The following DNAJC13 variants were observed in gnomAD, a reference collection of about 807,000 sequenced individuals.
The protein encoded by DNAJC13 is DnaJ heat shock protein family (Hsp40) member C13, also known as dnaJ homolog subfamily C member 13.
A neutral mutation model predicts 290.5 loss-of-function variants in DNAJC13; 75 were observed. The ratio of observed to expected loss-of-function variants is 0.26; its 90% CI spans 0.21 to 0.31. The LOEUF (loss-of-function observed/expected upper bound fraction) is 0.31. DNAJC13 is among the 10% of genes least tolerant of loss of function. The pLI, the probability that DNAJC13 is intolerant of heterozygous loss-of-function variation, is 1.00. For synonymous variants in DNAJC13, 862 were observed against 892.0 expected (o/e 0.97, Z 0.60); for missense variants, 2,260 against 2,674.5 (o/e 0.85, Z 3.42).
intron 33 of DNAJC13, among the ~76,000 whole-genome samples, chr3:132,493,479 C>A (rs1376504455): frequency 6.6e-6 from 1 of 151,880 alleles, no homozygotes; most frequent in Non-Finnish European, 1.5e-5. Context: ...AGCTCTACCA[C>A]TAAACTGGGA....
intron 55 of DNAJC13, among the ~76,000 whole-genome samples, chr3:132,533,686 C>A (rs868698583): frequency 5.9e-5 from 9 of 152,150 alleles, no homozygotes; most frequent in Middle Eastern, 3.4e-3. Flanking sequence ...AGTAAATTGG[C>A]CCTGAAGAAT....
rs568942143 is a variant in DNAJC13, at chr3:132,531,236, A to G, written c.6625+139A>G. 1.9e-5 allele frequency: 13 copies of G among 672,386 alleles called. No individual in the cohort carries two copies. In the Middle Eastern group the frequency reaches 7.4e-4, roughly 38 times the overall value. 41.7% of individuals were successfully genotyped at this position (672,386 alleles called of 1,614,324 possible). A position where few individuals can be genotyped will look rare whatever the true frequency, so the allele number is the denominator to read the frequency against. On this transcript the variant is annotated intron_variant, in intron 55 of 55. Transcript: ENST00000260818. The stretch of plus-strand genomic sequence containing the variant: ...GACCTTTCTTGGAGGTGCTATGAGC[A>G]TGTAGTAGACATATGGTCTTAGCTT...
rs374123711 is a variant in DNAJC13 at position 132,483,366 on chromosome 3, A to G, written c.2980-9A>G. 8.1e-6 allele frequency: 13 copies of G among 1,613,430 alleles called. No individual in the cohort carries two copies. The African/African-American group carries it at 1.7e-4, about 22-fold the overall frequency. ...TTGTCTGTTTGTAATAATGCCTTCC[A>G]TCCATTAGATGCAAGAATTGTGGAC... On this transcript the variant is annotated splice_polypyrimidine_tract_variant and intron_variant, in intron 27 of 55. Coordinates refer to ENST00000260818, the MANE Select transcript of DNAJC13 (RefSeq NM_015268.4).
In DNAJC13 at chr3:132,491,039, G is replaced by A. The variant is rs1935044404; in HGVS notation, c.3611G>A (p.Ser1204Asn). 1 of 1,602,116 alleles carries A rather than the reference G, an allele frequency of 6.2e-7. No homozygotes were observed. The highest frequency in any genetic ancestry group is 8.5e-7 in the Non-Finnish European group (1 of 1,176,376). ...GEFDTPEAIW[S>N]SEMRRLMIEK... ...TTTGATACTCCAGAAGCAATCTGGA[G>A]CAGTGAAATGAGGTAAATAACCAGT... The change falls in exon 32 of 56, where the codon AGC becomes AAC. Residue 1204 changes from serine (S) to asparagine (N), a missense_variant. Coordinates refer to ENST00000260818, the MANE Select transcript of DNAJC13 (RefSeq NM_015268.4).
At chr3:132,451,431 T>C (rs1933411793) in intron 6 of DNAJC13, among the ~76,000 whole-genome samples, 1 of 152,224 alleles carries the variant, frequency 6.6e-6, no homozygotes, top group Non-Finnish European at 1.5e-5. Flanking sequence ...CATTGCGTGT[T>C]TTTGTTCTGA....
chr3:132,483,415 C>A lies in DNAJC13; in HGVS notation c.3020C>A (p.Thr1007Asn). ...LWTKGMLNAK[T>N]RCWAQGMDGW... The stretch of plus-strand genomic sequence containing the variant: ...ACCAAAGGAATGTTAAATGCAAAAA[C>A]CAGATGCTGGGCTCAAGGCATGGAT... Residue 1007 changes from threonine (T) to asparagine (N), a missense_variant, in exon 28 of 56, where the codon ACC becomes AAC. Physicochemically the swap from Thr to Asn is moderately conservative, Grantham distance 65. Around this residue, in one of 3 missense-constraint regions of DNAJC13, gnomAD observed 1,494 missense variants for 1,693.7 expected, o/e 0.88. Coordinates refer to ENST00000260818, the MANE Select transcript of DNAJC13 (RefSeq NM_015268.4). 1 of 1,614,082 alleles carries A rather than the reference C, an allele frequency of 6.2e-7. No homozygotes were observed. Among genetic ancestry groups the A allele is most frequent in the African/African-American group, 1.3e-5 (1 of 75,022 alleles).
intron 47 of DNAJC13, 56 bp downstream of exon 47, chr3:132,516,552 T>G: frequency 6.3e-7 from 1 of 1,583,870 alleles, no homozygotes; most frequent in Non-Finnish European, 8.6e-7. Context: ...AAGCTTATTT[T>G]GAGCTGCATT....
chr3:132,488,414 C>T lies in DNAJC13; in HGVS notation c.3384C>T (p.Ile1128=). ...ATCTGAGTGGAGTATTTTTCTTTAT[C>T]ATGATGTACACAGGTTCCAATGTGC... The part of the protein sequence containing the change: ...RLYLSGVFFF[I]MMYTGSNVLP... Residue 1128 remains isoleucine, a synonymous_variant, in exon 30 of 56, where the codon ATC becomes ATT. Coordinates refer to ENST00000260818, the MANE Select transcript of DNAJC13 (RefSeq NM_015268.4). 1.9e-6 allele frequency: 3 copies of T among 1,613,502 alleles called. No homozygotes were observed. The highest frequency in any genetic ancestry group is 2.5e-6 in the Non-Finnish European group (3 of 1,179,714).
intron 17 of DNAJC13, among the ~76,000 whole-genome samples, chr3:132,464,523 A>T (rs1933911812): frequency 6.6e-6 from 1 of 152,186 alleles, no homozygotes; most frequent in African/African-American, 2.4e-5. Flanking sequence ...TTGCTGAGTT[A>T]AACGTTTAGT....
chr3:132,472,053 C>A (rs538080897), intron 20 of DNAJC13, among the ~76,000 whole-genome samples: 1 of 150,136 alleles, frequency 6.7e-6, no homozygotes, highest in Non-Finnish European at 1.5e-5. Context: ...GAGACCGGCC[C>A]GGCCAACACA....
intron 5 of DNAJC13, among the ~76,000 whole-genome samples, chr3:132,449,687 A>G (rs1238384547): frequency 6.6e-6 from 1 of 152,082 alleles, no homozygotes; most frequent in African/African-American, 2.4e-5. Flanking sequence ...CTCTTTTCTG[A>G]AAACCTAGAA....
chr3:132,511,467 CAT>C (rs1274871511), intron 44 of DNAJC13, among the ~76,000 whole-genome samples: 3 of 152,058 alleles, frequency 2.0e-5, no homozygotes, highest in African/African-American at 7.2e-5. Context: ...TTTATGAGAA[CAT>C]GTGTCTAAAT....
Position 132,494,219 on chromosome 3 carries a change from G to A in DNAJC13, c.3901G>A (p.Asp1301Asn), listed in dbSNP as rs778967211. The change falls in exon 34 of 56, where the codon GAT becomes AAT. Residue 1301 changes from aspartate (D) to asparagine (N), a missense_variant. Asp to Asn is a conservative substitution (Grantham distance 23). Transcript: ENST00000260818. ...GAAGCCACCTATGATGTCAATAGAT[G>A]ATGCTTATGAAGTGCTTAATCTGCC... Reference protein sequence around the residue: ...EKKPPMMSIDDAYEVLNLPQG... With the variant: ...EKKPPMMSIDNAYEVLNLPQG... 6.2e-7 allele frequency: 1 copy of A among 1,613,088 alleles called. No individual in the cohort carries two copies. Among genetic ancestry groups the A allele is most frequent in the Non-Finnish European group, 8.5e-7 (1 of 1,179,574 alleles).
At chr3:132,473,096 C>A in intron 20 of DNAJC13, 49 bp from the exon 21 acceptor site, 2 of 1,274,362 alleles carry the variant, frequency 1.6e-6, no homozygotes, top group South Asian at 2.6e-5. Flanking sequence ...CTGACTAAGC[C>A]TATTTGGTAG....
At chr3:132,442,623 A>G (rs1282071772) in intron 2 of DNAJC13, among the ~76,000 whole-genome samples, 2 of 152,064 alleles carry the variant, frequency 1.3e-5, no homozygotes, top group Admixed American at 1.3e-4. Flanking sequence ...CGCCTCAAAC[A>G]CTTGTATTTC....
At chr3:132,531,171 A>G (rs113517230) in intron 55 of DNAJC13, 74 bp downstream of exon 55, 1 of 1,310,346 alleles carries the variant, frequency 7.6e-7, no homozygotes, top group East Asian at 2.3e-5. Context: ...CCCTAAATAG[A>G]CTTAAAATTG....
chr3:132,502,436 G>T lies in DNAJC13; in HGVS notation c.4684G>T (p.Gly1562Cys). 6.2e-7 allele frequency: 1 copy of T among 1,609,702 alleles called. No homozygotes were observed. The highest frequency in any genetic ancestry group is 1.7e-4 in the Middle Eastern group (1 of 6,034). ...FNYDYTLEESGIQKSEETNQQ... is the reference protein window; with the variant it reads ...FNYDYTLEESCIQKSEETNQQ... ...TTATGACTACACACTAGAAGAGAGT[G>T]GCATTCAGAAAAGTGAAGAAACAAA... The change falls in exon 40 of 56, where the codon GGC (glycine) becomes TGC (cysteine). Residue 1562 changes from glycine to cysteine, a missense_variant. By Grantham distance (159) the Gly-to-Cys change is radical. Around this residue, in one of 3 missense-constraint regions of DNAJC13, gnomAD observed 1,494 missense variants for 1,693.7 expected, o/e 0.88. Transcript: ENST00000260818.
intron 26 of DNAJC13, 145 bp from the exon 27 acceptor site, chr3:132,482,081 C>G: frequency 3.6e-6 from 2 of 557,768 alleles, no homozygotes; most frequent in Non-Finnish European, 6.1e-6. Context: ...ACTCTTAAAT[C>G]TTAAAATAAG....
intron 1 of DNAJC13, among the ~76,000 whole-genome samples, chr3:132,423,316 C>T (rs141151220): frequency 3.9e-5 from 6 of 152,306 alleles, no homozygotes; most frequent in Non-Finnish European, 8.8e-5. Context: ...TTTTTGCCAG[C>T]TCTAGTTGCC....
Sources: gnomAD v4.1 joint callset for allele counts (sites outside exome capture counted in the v4.1 genomes callset) on GRCh38, gnomAD v4.1.1 for gene constraint, gnomAD v4.1.1 regional missense constraint, MANE v1.5 for transcripts, NCBI Gene and HGNC (gene_info 2026-07-23, HGNC 2026-07-21) for gene names.